Variants in CERS4 observed in about 807,000 individuals in gnomAD.
CERS4 encodes LAG1 homolog, ceramide synthase 4.
Under a neutral mutation model 51.8 loss-of-function variants are expected in CERS4, and 65 were observed. That is an observed-to-expected ratio of 1.26 (90% CI 1.03 to 1.54). The LOEUF is 1.54. CERS4 is among the 40% of genes most tolerant of loss of function. The pLI is 0.00. For synonymous variants in CERS4, 228 were observed against 208.4 expected, an observed-to-expected ratio of 1.09 and a Z score of -0.81; for missense variants, 563 against 500.4, an observed-to-expected ratio of 1.13 and a Z score of -1.19.
chr19:8,237,242 G>T (rs950640159), intron 2 of CERS4, among the ~76,000 whole-genome samples: 1 of 151,874 alleles, frequency 6.6e-6, no homozygotes, highest in African/African-American at 2.4e-5. Context: ...TTTCATGGGT[G>T]TGTACATATG....
At chr19:8,218,949 G>C (rs1189487170) in intron 2 of CERS4, among the ~76,000 whole-genome samples, 2 of 152,210 alleles carry the variant, frequency 1.3e-5, no homozygotes, top group African/African-American at 4.8e-5. Flanking sequence ...GCTCATGCCT[G>C]TAATCCCAGC....
At chr19:8,221,449 G>C (rs1269164525) in intron 2 of CERS4, among the ~76,000 whole-genome samples, 1 of 152,130 alleles carries the variant, frequency 6.6e-6, no homozygotes, top group Non-Finnish European at 1.5e-5. Flanking sequence ...GCCAATGCTG[G>C]CTTGCTCTTT....
intron 2 of CERS4, among the ~76,000 whole-genome samples, chr19:8,237,984 C>T (rs543148040): frequency 6.6e-6 from 1 of 152,270 alleles, no homozygotes; most frequent in East Asian, 1.9e-4. Context: ...CCCCCTCACA[C>T]TCCCACGTGT....
intron 2 of CERS4, chr19:8,250,815 C>T (rs1158725276): frequency 2.5e-6 from 3 of 1,220,434 alleles, no homozygotes; most frequent in Non-Finnish European, 3.1e-6. Context: ...TGCCTGAGGA[C>T]ACACAGCCCA....
At chr19:8,209,853 C>T (rs1311742043) in intron 1 of CERS4, 3 of 152,214 alleles carry the variant, frequency 2.0e-5, no homozygotes, top group Non-Finnish European at 4.4e-5. Context: ...AGCTGGGGCC[C>T]TGGCCTCGGA....
intron 10 of CERS4, among the ~76,000 whole-genome samples, chr19:8,260,107 G>A (rs915927773): frequency 5.3e-5 from 8 of 152,076 alleles, no homozygotes; most frequent in Admixed American, 1.3e-4. Context: ...GCCAGCTGGT[G>A]GGGCTGCAGG....
chr19:8,219,382 A>T (rs1300373320), intron 2 of CERS4, among the ~76,000 whole-genome samples: 1 of 152,134 alleles, frequency 6.6e-6, no homozygotes, highest in Non-Finnish European at 1.5e-5. Flanking sequence ...GGATGCCTGG[A>T]GGCCGGACAC....
At chr19:8,237,586 T>C (rs1278449760) in intron 2 of CERS4, among the ~76,000 whole-genome samples, 2 of 149,868 alleles carry the variant, frequency 1.3e-5, no homozygotes, top group South Asian at 2.1e-4. Context: ...CATGGTGGCT[T>C]ATGCCTGTAA....
At chr19:8,251,751 C>T (rs1230380454) in intron 3 of CERS4, among the ~76,000 whole-genome samples, 1 of 151,422 alleles carries the variant, frequency 6.6e-6, no homozygotes, top group African/African-American at 2.4e-5. Context: ...TTGCAGTGAG[C>T]CAAGATTGTG....
chr19:8,250,240 G>C (rs2145288761), intron 2 of CERS4, among the ~76,000 whole-genome samples: 1 of 152,282 alleles, frequency 6.6e-6, no homozygotes, highest in East Asian at 1.9e-4. Context: ...CTCCCACAGT[G>C]TTGGGATTAC....
intron 3 of CERS4, 133 bp from the exon 4 acceptor site, chr19:8,254,366 C>T: frequency 1.6e-6 from 1 of 633,936 alleles, no homozygotes; most frequent in South Asian, 1.8e-5. Flanking sequence ...TGCCATGTGC[C>T]AGCTGTGCTC....
chr19:8,254,582 A>G lies in CERS4; in HGVS notation c.257A>G (p.Lys86Arg). 2.5e-6 allele frequency: 4 copies of G among 1,612,700 alleles called. No homozygotes were observed. Among genetic ancestry groups the G allele is most frequent in the Non-Finnish European group, 3.4e-6 (4 of 1,179,602 alleles). ...RQVKPNATLEKHFLTEGHRPK... is the reference protein window; with the variant it reads ...RQVKPNATLERHFLTEGHRPK... ...GTGAAGCCCAACGCCACGCTGGAGA[A>G]ACACTTCCTCACGGAAGGGCACAGG... Residue 86 changes from lysine (K) to arginine (R), a missense_variant, in exon 4 of 12, where the codon AAA becomes AGA. Physicochemically the swap from Lys to Arg is conservative, Grantham distance 26 (BLOSUM62 2). Coordinates refer to ENST00000251363, the MANE Select transcript of CERS4 (RefSeq NM_024552.3).
intron 1 of CERS4, chr19:8,209,969 CG>C (rs1440686663): frequency 6.6e-6 from 1 of 152,482 alleles, no homozygotes; most frequent in African/African-American, 2.4e-5. Flanking sequence ...GGTGCCCAGG[CG>C]GGGATAATGT....
At chr19:8,239,802 C>G (rs997234503) in intron 2 of CERS4, among the ~76,000 whole-genome samples, 18 of 152,166 alleles carry the variant, frequency 1.2e-4, no homozygotes, top group African/African-American at 4.3e-4. Flanking sequence ...TTGCACCCTC[C>G]CACCTGTCCA....
intron 2 of CERS4, among the ~76,000 whole-genome samples, chr19:8,218,434 G>A (rs1042036986): frequency 2.0e-5 from 3 of 152,192 alleles, no homozygotes; most frequent in African/African-American, 4.8e-5. Flanking sequence ...GAATGGCATC[G>A]GAGCAACATT....
Position 8,255,806 on chromosome 19 carries a change from C to A in CERS4, c.411-16C>A, listed in dbSNP as rs757083288. ...GCGGGTGTCTGCTATTTTCACAGCTCCCTCCCCATCCACAGCTGGAGGTTT... is the reference window on the plus strand; with the variant it reads ...GCGGGTGTCTGCTATTTTCACAGCTACCTCCCCATCCACAGCTGGAGGTTT... On this transcript the variant is annotated splice_polypyrimidine_tract_variant and intron_variant, in intron 5 of 11. Coordinates refer to ENST00000251363, the MANE Select transcript of CERS4 (RefSeq NM_024552.3). 1 of 1,613,876 alleles carries A rather than the reference C, an allele frequency of 6.2e-7. No individual in the cohort carries two copies.
chr19:8,233,036 C>G (rs1187825497), intron 2 of CERS4, among the ~76,000 whole-genome samples: 2 of 151,488 alleles, frequency 1.3e-5, no homozygotes, highest in African/African-American at 4.9e-5. Context: ...CTGCAGCCAG[C>G]CTGAATCTTT....
intron 4 of CERS4, among the ~76,000 whole-genome samples, 170 bp downstream of exon 4, chr19:8,254,786 C>T (rs1434159214): frequency 2.0e-5 from 3 of 152,250 alleles, no homozygotes; most frequent in Non-Finnish European, 4.4e-5. Flanking sequence ...GGGCTCTACC[C>T]CCCAGCCTCC....
At chr19:8,225,849 A>T (rs994560369) in intron 2 of CERS4, among the ~76,000 whole-genome samples, 4 of 126,738 alleles carry the variant, frequency 3.2e-5, no homozygotes, top group Non-Finnish European at 5.5e-5. Flanking sequence ...CAGCTATGTG[A>T]CCCTGTGTAG....
Sources: allele counts gnomAD v4.1 joint callset (sites outside exome capture counted in the v4.1 genomes callset), GRCh38; gene constraint gnomAD v4.1.1; transcripts MANE v1.5; gene names NCBI Gene and HGNC (gene_info 2026-07-23, HGNC 2026-07-21).